CCHCR1: variants seen among roughly 807,000 people sequenced by gnomAD.
CCHCR1 encodes coiled-coil alpha-helical rod protein 1, also known as HCR (a-helix coiled-coil rod homologue).
Under a neutral mutation model 114.6 loss-of-function variants are expected in CCHCR1, and 91 were observed. That is an observed-to-expected ratio of 0.79 (90% CI 0.67 to 0.94). The LOEUF (loss-of-function observed/expected upper bound fraction) is 0.94. CCHCR1 is among the 40% of genes least tolerant of loss of function. CCHCR1 has a pLI of 0.00. For synonymous variants in CCHCR1, 379 were observed against 428.5 expected (o/e 0.88, Z 1.43); for missense variants, 899 against 1,079.9 (o/e 0.83, Z 2.35).
intron 3 of CCHCR1, among the ~76,000 whole-genome samples, chr6:31,155,602 T>TAAAAAAAAAAA (rs1561826933): frequency 6.1e-5 from 1 of 16,268 alleles, no homozygotes. Flanking sequence ...AGACTCCATC[T>TAAAAAAAAAAA]CAAAAAAAAG....
chr6:31,153,726 C>T (rs1418103978), intron 4 of CCHCR1, among the ~76,000 whole-genome samples: 3 of 152,142 alleles, frequency 2.0e-5, no homozygotes, highest in South Asian at 2.1e-4. Flanking sequence ...ATTACAGGTG[C>T]GCACCACCAC....
rs369736374 is a variant in CCHCR1, at chr6:31,144,699, G to C, written c.2155C>G (p.His719Asp). Residue 719 changes from histidine to aspartate, a missense_variant, in exon 15 of 18, where the codon CAT (histidine) becomes GAT (aspartate). His to Asp is a moderately conservative substitution (Grantham distance 81, BLOSUM62 -1). Coordinates refer to ENST00000396268, the MANE Select transcript of CCHCR1 (RefSeq NM_001105564.2). The surrounding 1 kb of genome is among the most constrained non-coding windows in gnomAD (Gnocchi z 4.6). ...ERRLNEARRE[H>D]AKAVVSLRQI... is the part of the protein sequence containing the mutation. ...TGGCAAGGCTCACCGGCCTTGGCAT[G>C]CTCCCTCCGAGCCTCGTTCAGCCTC... The C allele has an allele frequency of 1.3e-5, 21 of 1,608,602 alleles. No individual in the cohort carries two copies. The highest frequency in any genetic ancestry group is 1.6e-5 in the Non-Finnish European group (19 of 1,176,008).
chr6:31,157,769 G>A lies in CCHCR1; in HGVS notation c.-169C>T, dbSNP rs767065904. On this transcript the variant is annotated 5_prime_UTR_variant, in exon 1 of 18. Coordinates refer to ENST00000396268, the MANE Select transcript of CCHCR1 (RefSeq NM_001105564.2). ...CTGCTGCCCGCCTCCTCTTTCTCGA[G>A]TCCTAACACATAGTGGGCACTTTAA... 11 of 611,604 alleles carry A rather than the reference G, an allele frequency of 1.8e-5. No individual in the cohort carries two copies. Among genetic ancestry groups the A allele is most frequent in the Non-Finnish European group, 2.6e-5 (9 of 347,134 alleles). 37.9% of individuals were successfully genotyped at this position (611,604 alleles called of 1,614,324 possible). A position where few individuals can be genotyped will look rare whatever the true frequency, so the allele number is the denominator to read the frequency against.
In CCHCR1 at chr6:31,150,661, G is replaced by A; in HGVS notation, c.1101+64C>T. ...GGCTGTGCTCTACACGCTCCTCCAA[G>A]GGCCACGCTTGCCTCCCAACCTGAT... On this transcript the variant is annotated intron_variant, in intron 6 of 17. Transcript: ENST00000396268. This position sits in a 1 kb window ranked among gnomAD's most constrained non-coding sequence, Gnocchi z 5.3. 7 of 1,597,296 alleles carry A rather than the reference G, an allele frequency of 4.4e-6. No homozygotes were observed. In the South Asian group the frequency reaches 7.9e-5, roughly 18 times the overall value.
At position 31,143,499 on chromosome 6, in the gene CCHCR1, G is replaced by A; in HGVS notation, c.2168-86C>T. The A allele has an allele frequency of 6.9e-7, 1 of 1,441,722 alleles. No individual in the cohort carries two copies. The highest frequency in any genetic ancestry group is 9.5e-7 in the Non-Finnish European group (1 of 1,053,280). 89.3% of individuals were successfully genotyped at this position (1,441,722 alleles called of 1,614,324 possible). A position where few individuals can be genotyped will look rare whatever the true frequency, so the allele number is the denominator to read the frequency against. ...CCATGAAGACAGGAACAAACGCTGG[G>A]TCACCAACTCTGTGGCTTGGGGAGG... On this transcript the variant is annotated intron_variant, in intron 15 of 17. Transcript: ENST00000396268. The surrounding 1 kb of genome is among the most constrained non-coding windows in gnomAD (Gnocchi z 5.3).
In CCHCR1 at chr6:31,157,569, C is replaced by A. The variant is rs1412363024; in HGVS notation, c.32G>T (p.Trp11Leu). The A allele has an allele frequency of 6.2e-6, 10 of 1,612,558 alleles. No homozygotes were observed. The highest frequency in any genetic ancestry group is 8.5e-6 in the Non-Finnish European group (10 of 1,179,864). The change falls in exon 1 of 18, where the codon TGG becomes TTG. Residue 11 changes from tryptophan (W) to leucine (L), a missense_variant. Transcript: ENST00000396268. The part of the protein sequence containing the change: MWPHSAGARP[W>L]ASTLTGKDPR... Reference sequence around the variant, plus strand: ...GTCCTTCCCTGTTAAAGTGCTGGCCCAAGGCCTGGCCCCAGCTGAATGTGG... The same window carrying A: ...GTCCTTCCCTGTTAAAGTGCTGGCCAAAGGCCTGGCCCCAGCTGAATGTGG...
intron 1 of CCHCR1, 146 bp from the exon 2 acceptor site, chr6:31,157,235 G>C: frequency 7.1e-6 from 7 of 988,922 alleles, no homozygotes; most frequent in Non-Finnish European, 1.1e-5. Context: ...CCCCAAAGTA[G>C]GAGATACCCC....
chr6:31,155,144 TCTTA>T (rs1430393757), intron 3 of CCHCR1, among the ~76,000 whole-genome samples: 1 of 152,090 alleles, frequency 6.6e-6, no homozygotes, highest in Non-Finnish European at 1.5e-5. Context: ...GGTTTTTTTG[TCTTA>T]TTTATTTTTT....
chr6:31,157,886 T>A, upstream of CCHCR1: 1 of 488,940 alleles, frequency 2.0e-6, no homozygotes, highest in East Asian at 3.5e-5. Flanking sequence ...CTAATCTACC[T>A]TTTTCTGAAG....
rs1773970597 is a variant in CCHCR1, at chr6:31,144,222, CTT to C, written c.2167+463_2167+464del. 6.6e-6 allele frequency among the ~76,000 whole-genome samples: 1 copy of C among 152,138 alleles called. No homozygotes were observed. Among genetic ancestry groups the C allele is most frequent in the African/African-American group, 2.4e-5 (1 of 41,418 alleles). On this transcript the variant is annotated intron_variant, in intron 15 of 17. Transcript: ENST00000396268. The surrounding 1 kb of genome is among the most constrained non-coding windows in gnomAD (Gnocchi z 4.6). ...CACAATTCTTTTTTTGACACATGGT[CTT>C]TCTCTATCACCCAGGCTTGAGTGCA...
intron 4 of CCHCR1, among the ~76,000 whole-genome samples, chr6:31,153,874 A>G (rs1160334586): frequency 6.6e-6 from 1 of 152,218 alleles, no homozygotes; most frequent in Non-Finnish European, 1.5e-5. Context: ...CACTGCGCCC[A>G]GGGCTATGGT....
Position 31,157,391 on chromosome 6 carries a change from CCTT to C in CCHCR1, c.207_209del (p.Arg72del), listed in dbSNP as rs1561832578. 1.9e-6 allele frequency: 3 copies of C among 1,612,484 alleles called. No individual in the cohort carries two copies. The highest frequency in any genetic ancestry group is 1.7e-5 in the Admixed American group (1 of 60,020). On this transcript the variant is annotated inframe_deletion, in exon 1 of 18. Coordinates refer to ENST00000396268, the MANE Select transcript of CCHCR1 (RefSeq NM_001105564.2). Reference sequence around the variant, plus strand: ...TTCTGGGCAGTGCCTCTACCCTCCTCCTTAAGTTTCTATGGTCCCTGCTGCTCC... The same window carrying C: ...TTCTGGGCAGTGCCTCTACCCTCCTCAAGTTTCTATGGTCCCTGCTGCTCC...
Position 31,157,566 on chromosome 6 carries a change from G to A in CCHCR1, c.35C>T (p.Ala12Val), listed in dbSNP as rs1776240937. Reference protein sequence around the residue: ...WPHSAGARPWASTLTGKDPRV... With the variant: ...WPHSAGARPWVSTLTGKDPRV... ...TGGGTCCTTCCCTGTTAAAGTGCTG[G>A]CCCAAGGCCTGGCCCCAGCTGAATG... Residue 12 changes from alanine (A) to valine (V), a missense_variant, in exon 1 of 18, where the codon GCC (alanine) becomes GTC (valine). Coordinates refer to ENST00000396268, the MANE Select transcript of CCHCR1 (RefSeq NM_001105564.2). 1 of 1,612,658 alleles carries A rather than the reference G, an allele frequency of 6.2e-7. No individual in the cohort carries two copies. Among genetic ancestry groups the A allele is most frequent in the Non-Finnish European group, 8.5e-7 (1 of 1,179,908 alleles).
chr6:31,157,209 A>T, intron 1 of CCHCR1, 120 bp from the exon 2 acceptor site: 1 of 1,033,930 alleles, frequency 9.7e-7, no homozygotes, highest in Non-Finnish European at 1.5e-6. Flanking sequence ...CCCGATGCTT[A>T]GCTCTTTTCC....
chr6:31,151,411 C>T lies in CCHCR1; in HGVS notation c.802-289G>A, dbSNP rs118024262. ...GCGACCATCTCCTAACTAGTCTTTA[C>T]AAACCCTCAGTGGCTTCTCACAGCA... On this transcript the variant is annotated intron_variant, in intron 4 of 17. Coordinates refer to ENST00000396268, the MANE Select transcript of CCHCR1 (RefSeq NM_001105564.2). This position sits in a 1 kb window ranked among gnomAD's most constrained non-coding sequence, Gnocchi z 4.1. 8.4e-3 allele frequency among the ~76,000 whole-genome samples: 1,279 copies of T among 152,320 alleles called. 36 individuals carry two copies. The East Asian group carries it at 0.088, about 11-fold the overall frequency.
Position 31,143,262 on chromosome 6 carries a change from C to T in CCHCR1, c.2319G>A (p.Leu773=). Residue 773 remains leucine (L), a splice_region_variant and synonymous_variant, in exon 16 of 18, where the codon CTG becomes CTA. Transcript: ENST00000396268. This position sits in a 1 kb window ranked among gnomAD's most constrained non-coding sequence, Gnocchi z 5.3. ...QELERDKNLM[L]ATLQQEGLLS... ...GCCTGTCTGCCCTCCTGTCTCCTAC[C>T]AGCATGAGGTTCTTATCCCTCTCTA... 6.2e-7 allele frequency: 1 copy of T among 1,612,650 alleles called. No individual in the cohort carries two copies.
At chr6:31,153,377 G>C (rs1406217495) in intron 4 of CCHCR1, among the ~76,000 whole-genome samples, 1 of 151,882 alleles carries the variant, frequency 6.6e-6, no homozygotes, top group Non-Finnish European at 1.5e-5. Flanking sequence ...TTTTATATTA[G>C]GGATATTACC....
rs923445606 is a variant in CCHCR1, at chr6:31,143,835, C to T, written c.2168-422G>A. ...CAGCACTTTGGGATGCCAAGGCGGGCGGATCACGAGGTTAGGAGCTCGAGA... is the reference window on the plus strand; with the variant it reads ...CAGCACTTTGGGATGCCAAGGCGGGTGGATCACGAGGTTAGGAGCTCGAGA... On this transcript the variant is annotated intron_variant, in intron 15 of 17. Coordinates refer to ENST00000396268, the MANE Select transcript of CCHCR1 (RefSeq NM_001105564.2). This position sits in a 1 kb window ranked among gnomAD's most constrained non-coding sequence, Gnocchi z 5.3. Among the ~76,000 whole-genome samples, 1 of 152,160 alleles carries T rather than the reference C, an allele frequency of 6.6e-6. No homozygotes were observed. Among genetic ancestry groups the T allele is most frequent in the African/African-American group, 2.4e-5 (1 of 41,456 alleles).
At position 31,151,605 on chromosome 6, in the gene CCHCR1, T is replaced by C. The variant is rs1290609010; in HGVS notation, c.802-483A>G. On this transcript the variant is annotated intron_variant, in intron 4 of 17. Transcript: ENST00000396268. The surrounding 1 kb of genome is among the most constrained non-coding windows in gnomAD (Gnocchi z 4.1). ...TCCTTGCTCCACAGACCCCAGGCGA[T>C]AGCCCCTCCTCAGGGTGGCTTCACT... is the stretch of plus-strand genomic sequence containing the variant. 1.3e-5 allele frequency among the ~76,000 whole-genome samples: 2 copies of C among 152,198 alleles called. No individual in the cohort carries two copies. The highest frequency in any genetic ancestry group is 2.9e-5 in the Non-Finnish European group (2 of 68,020).
Sources: allele counts gnomAD v4.1 joint callset (sites outside exome capture counted in the v4.1 genomes callset), GRCh38; gene constraint gnomAD v4.1.1; non-coding constraint Gnocchi (gnomAD v3.1); transcripts MANE v1.5; gene names NCBI Gene and HGNC (gene_info 2026-07-23, HGNC 2026-07-21).